KMO: variants seen among roughly 807,000 people sequenced by gnomAD.
KMO encodes kynurenine 3-monooxygenase.
KMO carries 24 observed loss-of-function variants against 57.8 expected under a neutral mutation model. The ratio of observed to expected loss-of-function variants is 0.42; its 90% CI spans 0.30 to 0.58. The LOEUF (loss-of-function observed/expected upper bound fraction) is 0.58, where lower values mean the gene tolerates loss of function less well. KMO is among the 20% of genes least tolerant of loss of function. The pLI is 0.22. For missense variants in KMO, 483 were observed against 588.2 expected, an observed-to-expected ratio of 0.82 and a Z score of 1.85; for synonymous variants, 210 against 193.6, an observed-to-expected ratio of 1.08 and a Z score of -0.70.
intron 5 of KMO, among the ~76,000 whole-genome samples, chr1:241,557,691 G>A (rs374953892): frequency 2.6e-5 from 4 of 152,234 alleles, no homozygotes; most frequent in South Asian, 2.1e-4. Flanking sequence ...AGCCGGGTGC[G>A]GTGGCTCACA....
At chr1:241,582,066 T>C (rs572610642) in intron 10 of KMO, among the ~76,000 whole-genome samples, 30 of 152,334 alleles carry the variant, frequency 2.0e-4, no homozygotes, top group African/African-American at 7.2e-4. Flanking sequence ...CTTTTATTCC[T>C]TTAGCACTTT....
rs977453323 is a variant in KMO at position 241,592,465 on chromosome 1, A to G, written c.*312A>G. The G allele has an allele frequency of 3.0e-6, 1 of 332,220 alleles. No individual in the cohort carries two copies. The highest frequency in any genetic ancestry group is 2.1e-5 in the African/African-American group (1 of 46,844). 20.6% of individuals were successfully genotyped at this position (332,220 alleles called of 1,614,324 possible). ...AGATGCCTCAGGGAAGACAGTAATCATGCCTTTTCTTTAAAAGACACAATA... is the reference window on the plus strand; with the variant it reads ...AGATGCCTCAGGGAAGACAGTAATCGTGCCTTTTCTTTAAAAGACACAATA... On this transcript the variant is annotated 3_prime_UTR_variant, in exon 15 of 15. Transcript: ENST00000366559.
At chr1:241,536,192 C>A (rs1660746237) in intron 1 of KMO, among the ~76,000 whole-genome samples, 1 of 152,002 alleles carries the variant, frequency 6.6e-6, no homozygotes, top group Non-Finnish European at 1.5e-5. Flanking sequence ...GGAAAATAAT[C>A]TCAATTTTGC....
At chr1:241,554,353 C>T (rs1489260967) in intron 4 of KMO, among the ~76,000 whole-genome samples, 1 of 151,516 alleles carries the variant, frequency 6.6e-6, no homozygotes, top group South Asian at 2.1e-4. Flanking sequence ...AATGTGATCT[C>T]GGCTCACTGC....
At chr1:241,572,725 A>G (rs1662348999) in intron 10 of KMO, among the ~76,000 whole-genome samples, 1 of 151,958 alleles carries the variant, frequency 6.6e-6, no homozygotes, top group African/African-American at 2.4e-5. Flanking sequence ...GAAGTCTGAG[A>G]TTTTAGTGCA....
intron 3 of KMO, 69 bp from the exon 4 acceptor site, chr1:241,550,886 C>T: frequency 1.4e-6 from 1 of 720,238 alleles, no homozygotes; most frequent in Non-Finnish European, 2.2e-6. Context: ...ATTTAAAAAT[C>T]AACTTCTATC....
intron 1 of KMO, among the ~76,000 whole-genome samples, chr1:241,541,272 G>A (rs928690863): frequency 1.2e-4 from 18 of 152,150 alleles, no homozygotes; most frequent in Admixed American, 3.3e-4. Context: ...CTAGCTTCAT[G>A]TATACTGGTA....
Position 241,548,894 on chromosome 1 carries a change from G to A in KMO, c.120G>A (p.Arg40=), listed in dbSNP as rs1349688855. The part of the protein sequence containing the change: ...RNFQIDVYEA[R]EDTRVATFTR... ...TCCAGATTGATGTATATGAAGCTAGGGAAGGTACGTCCATGGTGAAAAAAG... is the reference window on the plus strand; with the variant it reads ...TCCAGATTGATGTATATGAAGCTAGAGAAGGTACGTCCATGGTGAAAAAAG... The change falls in exon 2 of 15, where the codon AGG becomes AGA. Residue 40 remains arginine, a synonymous_variant. Transcript: ENST00000366559. 1 of 1,604,466 alleles carries A rather than the reference G, an allele frequency of 6.2e-7. No individual in the cohort carries two copies. Among genetic ancestry groups the A allele is most frequent in the East Asian group, 2.2e-5 (1 of 44,746 alleles).
At position 241,592,074 on chromosome 1, in the gene KMO, C is replaced by G. The variant is rs777667434; in HGVS notation, c.1382C>G (p.Ala461Gly). 1.9e-6 allele frequency: 3 copies of G among 1,614,014 alleles called. No homozygotes were observed. In the East Asian group the frequency reaches 6.7e-5, roughly 36 times the overall value. The change falls in exon 15 of 15, where the codon GCT becomes GGT. Residue 461 changes from alanine to glycine, a missense_variant. Ala to Gly is a moderately conservative substitution (Grantham distance 60). Transcript: ENST00000366559. ...LRLRRPWNWI[A>G]HFRNTTCFPA... ...TTGAGAAGACCATGGAACTGGATAG[C>G]TCACTTCCGGAATACAACATGTTTC...
rs1662081524 is a variant in KMO, at chr1:241,566,429, C to T, written c.688-62C>T. On this transcript the variant is annotated intron_variant, in intron 8 of 14. Coordinates refer to ENST00000366559, the MANE Select transcript of KMO (RefSeq NM_003679.5). Reference sequence around the variant, plus strand: ...CAAGAAGTCTTGTGATTTCAGGAGCCACCTAGTGCCAGCGTCACTTGGCCC... The same window carrying T: ...CAAGAAGTCTTGTGATTTCAGGAGCTACCTAGTGCCAGCGTCACTTGGCCC... 7.8e-6 allele frequency: 12 copies of T among 1,546,924 alleles called. No homozygotes were observed. The Admixed American group carries it at 2.2e-4, about 28-fold the overall frequency.
In KMO at chr1:241,593,919, T is replaced by TC. The variant is rs1663412385; in HGVS notation, c.*1767dup. The TC allele has an allele frequency of 1.3e-5, 2 of 154,846 alleles. No homozygotes were observed. The highest frequency in any genetic ancestry group is 6.3e-5 in the Admixed American group (1 of 15,798). 9.6% of individuals were successfully genotyped at this position (154,846 alleles called of 1,614,324 possible). A position where few individuals can be genotyped will look rare whatever the true frequency, so the allele number is the denominator to read the frequency against. ...TTTGTCATACTGCACATATAAAACGTCTTTTGTTTCCAACAAGAGGATTTT... is the reference window on the plus strand; with the variant it reads ...TTTGTCATACTGCACATATAAAACGTCCTTTTGTTTCCAACAAGAGGATTTT... On this transcript the variant is annotated 3_prime_UTR_variant, in exon 15 of 15. Transcript: ENST00000366559.
In KMO at chr1:241,590,012, A is replaced by G; in HGVS notation, c.1099A>G (p.Met367Val). 6.2e-7 allele frequency: 1 copy of G among 1,612,192 alleles called. No individual in the cohort carries two copies. Among genetic ancestry groups the G allele is most frequent in the South Asian group, 1.1e-5 (1 of 91,032 alleles). The part of the protein sequence containing the change: ...SDLSMYNYIE[M>V]RAHVNSSWFI... ...TTCTTTAAGACTGTCATTATTGCAG[A>G]TGCGAGCACATGTCAACTCAAGCTG... Residue 367 changes from methionine to valine, a missense_variant and splice_region_variant, in exon 13 of 15, where the codon ATG becomes GTG. By Grantham distance (21) the Met-to-Val change is conservative (BLOSUM62 1). Transcript: ENST00000366559.
Position 241,595,024 on chromosome 1 carries a change from T to G in KMO, c.*2871T>G, listed in dbSNP as rs752115337. On this transcript the variant is annotated 3_prime_UTR_variant, in exon 15 of 15. Coordinates refer to ENST00000366559, the MANE Select transcript of KMO (RefSeq NM_003679.5). The stretch of plus-strand genomic sequence containing the variant: ...TTAGTCCACAAATATTCAGTGGGCA[T>G]CTACTAGGTGACAGCCACTGTGCTA... 5.8e-5 allele frequency: 12 copies of G among 205,550 alleles called. No individual in the cohort carries two copies. The highest frequency in any genetic ancestry group is 9.7e-5 in the Non-Finnish European group (10 of 103,236). 12.7% of individuals were successfully genotyped at this position (205,550 alleles called of 1,614,324 possible).
chr1:241,556,790 G>C (rs1357226827), intron 5 of KMO, among the ~76,000 whole-genome samples: 1 of 152,154 alleles, frequency 6.6e-6, no homozygotes, highest in Non-Finnish European at 1.5e-5. Flanking sequence ...TCGGGAGGCT[G>C]AGGCAGGAGA....
At chr1:241,583,178 G>A (rs182206285) in intron 10 of KMO, among the ~76,000 whole-genome samples, 24 of 152,308 alleles carry the variant, frequency 1.6e-4, no homozygotes, top group Non-Finnish European at 2.2e-4. Flanking sequence ...GCTGCCTGGA[G>A]TTGGGGGAGG....
Position 241,588,427 on chromosome 1 carries a change from C to T in KMO, c.1016-321C>T, listed in dbSNP as rs61825649. Among the ~76,000 whole-genome samples, 712 of 144,248 alleles carry T rather than the reference C, an allele frequency of 4.9e-3. 3 individuals are homozygous for T. In the Middle Eastern group the frequency reaches 0.057, roughly 12 times the overall value. 94.6% of individuals were successfully genotyped at this position (144,248 alleles called of 152,430 possible). A position where few individuals can be genotyped will look rare whatever the true frequency, so the allele number is the denominator to read the frequency against. ...TTGTTTCCTCCTTTCCTTGTGCTCG[C>T]GTGACTGGTTTACACATGACGTTGG... On this transcript the variant is annotated intron_variant, in intron 11 of 14. Transcript: ENST00000366559.
chr1:241,583,804 T>C (rs920139509), intron 10 of KMO, among the ~76,000 whole-genome samples: 1 of 149,682 alleles, frequency 6.7e-6, no homozygotes, highest in Non-Finnish European at 1.5e-5. Context: ...TGGCTGACCA[T>C]ATAGTATTCT....
At chr1:241,566,363 T>C in intron 8 of KMO, 128 bp from the exon 9 acceptor site, 2 of 1,038,408 alleles carry the variant, frequency 1.9e-6, no homozygotes, top group Non-Finnish European at 2.8e-6. Context: ...GTGCCTTTCC[T>C]GTCTGCTTGG....
At chr1:241,567,430 C>T (rs1407856963) in intron 9 of KMO, among the ~76,000 whole-genome samples, 2 of 152,150 alleles carry the variant, frequency 1.3e-5, no homozygotes, top group Non-Finnish European at 2.9e-5. Context: ...AAGCACTAAT[C>T]CCACTAATGG....
Sources: gnomAD v4.1 joint callset for allele counts (sites outside exome capture counted in the v4.1 genomes callset) on GRCh38, gnomAD v4.1.1 for gene constraint, MANE v1.5 for transcripts, NCBI Gene and HGNC (gene_info 2026-07-23, HGNC 2026-07-21) for gene names.